The following FNDC3A variants were observed in gnomAD, a reference collection of about 807,000 sequenced individuals.
FNDC3A encodes fibronectin type-III domain-containing protein 3A.
In FNDC3A, 32 loss-of-function variants were observed where a neutral mutation model predicts 148.9. The observed-to-expected ratio is 0.21, with a 90% CI of 0.16 to 0.29. The LOEUF is 0.29. FNDC3A is among the 10% of genes least tolerant of loss of function. The probability of loss-of-function intolerance (pLI) is 1.00; values close to 1 mark genes in which losing one functional copy is unlikely to be tolerated. For synonymous variants in FNDC3A, 472 were observed against 473.6 expected (o/e 1.00, Z 0.04); for missense variants, 1,191 against 1,452.8 (o/e 0.82, Z 2.93).
At chr13:49,099,673 A>G (rs2137835111) in intron 3 of FNDC3A, among the ~76,000 whole-genome samples, 1 of 152,288 alleles carries the variant, frequency 6.6e-6, no homozygotes, top group Non-Finnish European at 1.5e-5. Context: ...CTCAAAAACA[A>G]GGTCTAAATT....
chr13:48,987,647 G>T (rs1057506478), intron 1 of FNDC3A, among the ~76,000 whole-genome samples: 3 of 152,216 alleles, frequency 2.0e-5, no homozygotes, highest in Non-Finnish European at 4.4e-5. Flanking sequence ...TCCAGTGGAT[G>T]TGGGATTGGA....
At chr13:48,983,620 C>T (rs963304530) in intron 1 of FNDC3A, among the ~76,000 whole-genome samples, 2 of 152,176 alleles carry the variant, frequency 1.3e-5, no homozygotes, top group African/African-American at 4.8e-5. Flanking sequence ...ATGGTGCATG[C>T]ATATACTTTT....
At chr13:49,075,807 C>CG (rs1878060697) in intron 3 of FNDC3A, among the ~76,000 whole-genome samples, 1 of 126,914 alleles carries the variant, frequency 7.9e-6, no homozygotes, top group Non-Finnish European at 1.7e-5. Context: ...ACTGCCCCCC[C>CG]CACCCCCACC....
chr13:49,175,614 A>G, intron 13 of FNDC3A, 73 bp downstream of exon 13: 1 of 993,734 alleles, frequency 1.0e-6, no homozygotes, highest in South Asian at 1.7e-5. Flanking sequence ...GGCTGAGACG[A>G]TGGCATTTTC....
At chr13:49,057,364 C>G (rs1393320298) in intron 2 of FNDC3A, among the ~76,000 whole-genome samples, 1 of 152,196 alleles carries the variant, frequency 6.6e-6, no homozygotes, top group Non-Finnish European at 1.5e-5. Context: ...TCACTTTGGA[C>G]TACTGGCTTT....
In FNDC3A at chr13:49,105,254, A is replaced by G. The variant is rs577884526; in HGVS notation, c.176-9401A>G. 1.3e-4 allele frequency among the ~76,000 whole-genome samples: 20 copies of G among 152,312 alleles called. No homozygotes were observed. In the East Asian group the frequency reaches 3.1e-3, roughly 23 times the overall value. The stretch of plus-strand genomic sequence containing the variant: ...ACATGCCTGGCTGGTAGGAATATAA[A>G]TTAATATACTCGGGAAAACTATGTG... On this transcript the variant is annotated intron_variant, in intron 3 of 25. Coordinates refer to ENST00000492622, the MANE Select transcript of FNDC3A (RefSeq NM_001079673.2).
chr13:49,110,476 A>T, intron 3 of FNDC3A: 1 of 1,049,862 alleles, frequency 9.5e-7, no homozygotes, highest in East Asian at 2.4e-5. Context: ...ATCTAAAGTC[A>T]TGCCGTGTGT....
At chr13:49,060,828 G>C (rs779108602) in intron 2 of FNDC3A, among the ~76,000 whole-genome samples, 3 of 152,068 alleles carry the variant, frequency 2.0e-5, no homozygotes, top group African/African-American at 7.2e-5. Context: ...GATTACCAGG[G>C]GCTCGGAATA....
At chr13:49,187,908 A>G (rs1301447928) in intron 16 of FNDC3A, among the ~76,000 whole-genome samples, 1 of 152,114 alleles carries the variant, frequency 6.6e-6, no homozygotes, top group Non-Finnish European at 1.5e-5. Context: ...ATTTATTTAC[A>G]TTGCTCAGCC....
At chr13:49,195,231 A>C (rs1886089643) in intron 19 of FNDC3A, among the ~76,000 whole-genome samples, 1 of 152,210 alleles carries the variant, frequency 6.6e-6, no homozygotes, top group African/African-American at 2.4e-5. Context: ...TCAGTGCTGT[A>C]AACAAAAGGA....
chr13:49,076,295 A>G (rs1878107377), intron 3 of FNDC3A, among the ~76,000 whole-genome samples: 2 of 151,808 alleles, frequency 1.3e-5, no homozygotes, highest in Non-Finnish European at 2.9e-5. Flanking sequence ...CCCAGGCTGG[A>G]GTGCAGTGGC....
chr13:49,011,397 C>T (rs1263050013), intron 2 of FNDC3A, among the ~76,000 whole-genome samples: 1 of 152,080 alleles, frequency 6.6e-6, no homozygotes, highest in Non-Finnish European at 1.5e-5. Flanking sequence ...CCACACCAGG[C>T]TAATTTTTGT....
chr13:49,028,115 T>C (rs1160354698), intron 2 of FNDC3A, among the ~76,000 whole-genome samples: 3 of 151,422 alleles, frequency 2.0e-5, no homozygotes, highest in Non-Finnish European at 4.4e-5. Flanking sequence ...CTCAGGAGGC[T>C]GAGGCAGGAG....
At chr13:49,199,127 C>T (rs777548566) in intron 23 of FNDC3A, among the ~76,000 whole-genome samples, 19 of 151,924 alleles carry the variant, frequency 1.3e-4, no homozygotes, top group Non-Finnish European at 2.8e-4. Flanking sequence ...CTGGAGCCAT[C>T]CTCCCACCTC....
intron 2 of FNDC3A, among the ~76,000 whole-genome samples, chr13:49,070,881 C>CTTTTTTTTTTTTTTTTTT (rs758290861): frequency 1.3e-4 from 16 of 120,952 alleles, no homozygotes; most frequent in East Asian, 2.3e-4. Flanking sequence ...AACAGGATTT[C>CTTTTTTTTTTTTTTTTTT]TTTTTTTTTT....
At chr13:49,064,168 C>T (rs1877093002) in intron 2 of FNDC3A, among the ~76,000 whole-genome samples, 2 of 151,998 alleles carry the variant, frequency 1.3e-5, no homozygotes, top group African/African-American at 4.8e-5. Flanking sequence ...TGGTGAAACC[C>T]CGTCTTTACT....
At chr13:49,089,733 C>T (rs963807567) in intron 3 of FNDC3A, among the ~76,000 whole-genome samples, 7 of 152,162 alleles carry the variant, frequency 4.6e-5, no homozygotes, top group African/African-American at 1.7e-4. Context: ...AGAATACACC[C>T]TAGTTCACGC....
chr13:49,054,226 A>G (rs1251233724), intron 2 of FNDC3A, among the ~76,000 whole-genome samples: 1 of 152,186 alleles, frequency 6.6e-6, no homozygotes, highest in East Asian at 1.9e-4. Flanking sequence ...TTTTTAGTTA[A>G]CAGAAAGATG....
chr13:49,142,521 ACTACCTCAG>A lies in FNDC3A; in HGVS notation c.820-3256_820-3248del, dbSNP rs1882748164. ...TACCACTCCACATACACACACAATTACTACCTCAGTCTTCACACAGGAATTTTGTGGTAT... is the reference window on the plus strand; with the variant it reads ...TACCACTCCACATACACACACAATTATCTTCACACAGGAATTTTGTGGTAT... On this transcript the variant is annotated intron_variant, in intron 7 of 25. Transcript: ENST00000492622. Among the ~76,000 whole-genome samples the A allele has an allele frequency of 2.0e-5, 3 of 152,276 alleles. No homozygotes were observed. The East Asian group carries it at 5.8e-4, about 29-fold the overall frequency.
Sources: allele counts gnomAD v4.1 joint callset (sites outside exome capture counted in the v4.1 genomes callset), GRCh38; gene constraint gnomAD v4.1.1; transcripts MANE v1.5; gene names NCBI Gene and HGNC (gene_info 2026-07-23, HGNC 2026-07-21).